CDKAL1: variants seen among roughly 807,000 people sequenced by gnomAD.
CDKAL1 encodes CDKAL1 threonylcarbamoyladenosine tRNA methylthiotransferase.
In CDKAL1, 32 loss-of-function variants were observed where a neutral mutation model predicts 68.2. That is an observed-to-expected ratio of 0.47 (90% confidence interval 0.35 to 0.63). The LOEUF is 0.63. CDKAL1 is among the 30% of genes least tolerant of loss of function. The pLI is 0.00. For missense variants in CDKAL1, 606 were observed against 696.7 expected (o/e 0.87, Z 1.47); for synonymous variants, 234 against 244.3 (o/e 0.96, Z 0.39).
chr6:20,546,529 C>G lies in CDKAL1; in HGVS notation c.173+6C>G, dbSNP rs772433353. The G allele has an allele frequency of 1.2e-6, 2 of 1,608,268 alleles. No homozygotes were observed. The highest frequency in any genetic ancestry group is 2.2e-5 in the South Asian group (2 of 90,572). On this transcript the variant is annotated splice_donor_region_variant and intron_variant, in intron 3 of 15. Transcript: ENST00000274695. The stretch of plus-strand genomic sequence containing the variant: ...AACAGTCCACCAAGTGACAGGTAAG[C>G]TTTTTTCCTTGAAATTATATTCATT...
At chr6:20,876,087 A>G (rs1382770696) in intron 9 of CDKAL1, among the ~76,000 whole-genome samples, 2 of 152,262 alleles carry the variant, frequency 1.3e-5, no homozygotes. Flanking sequence ...TAAATAAATT[A>G]AAATGTAGGC....
intron 8 of CDKAL1, among the ~76,000 whole-genome samples, chr6:20,832,487 A>C (rs983269206): frequency 1.3e-5 from 2 of 151,688 alleles, no homozygotes; most frequent in African/African-American, 4.8e-5. Context: ...AAAAAAAAAA[A>C]CAAAACACGT....
chr6:21,124,537 C>T (rs532557034), intron 13 of CDKAL1, among the ~76,000 whole-genome samples: 70 of 152,026 alleles, frequency 4.6e-4, no homozygotes, highest in Non-Finnish European at 2.9e-4. Context: ...GAACCAAAAC[C>T]AGAATGTCAT....
intron 11 of CDKAL1, among the ~76,000 whole-genome samples, chr6:21,051,611 T>G (rs1395815514): frequency 1.3e-5 from 2 of 152,190 alleles, no homozygotes; most frequent in African/African-American, 4.8e-5. Context: ...AAAACTGGAT[T>G]AGAATCTATC....
chr6:21,203,424 CAG>C (rs927794837), intron 15 of CDKAL1, among the ~76,000 whole-genome samples: 2 of 150,660 alleles, frequency 1.3e-5, no homozygotes, highest in African/African-American at 4.9e-5. Flanking sequence ...TTAGTAGAGA[CAG>C]GGTTTCACCA....
At chr6:20,632,058 G>C (rs1767697078) in intron 4 of CDKAL1, among the ~76,000 whole-genome samples, 1 of 152,212 alleles carries the variant, frequency 6.6e-6, no homozygotes. Context: ...AAATTGGTGT[G>C]TAACACGGAT....
At position 20,696,734 on chromosome 6, in the gene CDKAL1, G is replaced by A. The variant is rs149137120; in HGVS notation, c.372-42785G>A. On this transcript the variant is annotated intron_variant, in intron 5 of 15. Transcript: ENST00000274695. ...AAGAATCACAGCTTGTAATTATATAGAATTTGAAGTAAAGCTGAGTAAATC... is the reference window on the plus strand; with the variant it reads ...AAGAATCACAGCTTGTAATTATATAAAATTTGAAGTAAAGCTGAGTAAATC... Among the ~76,000 whole-genome samples, 384 of 152,288 alleles carry A rather than the reference G, an allele frequency of 2.5e-3. 2 individuals carry two copies. The highest frequency in any genetic ancestry group is 7.7e-3 in the African/African-American group (321 of 41,546).
intron 5 of CDKAL1, among the ~76,000 whole-genome samples, chr6:20,712,990 A>C (rs192891427): frequency 2.3e-4 from 34 of 150,010 alleles, no homozygotes; most frequent in Non-Finnish European, 3.9e-4. Flanking sequence ...CTCTCTTTTA[A>C]TCTTTGTAAG....
At chr6:21,135,601 T>C in intron 13 of CDKAL1, 1 of 718,908 alleles carries the variant, frequency 1.4e-6, no homozygotes, top group Non-Finnish European at 1.7e-6. Context: ...CATATGCTAG[T>C]TGACTACATA....
chr6:20,999,822 G>C lies in CDKAL1; in HGVS notation c.910-405G>C, dbSNP rs534783292. Among the ~76,000 whole-genome samples, 5 of 152,228 alleles carry C rather than the reference G, an allele frequency of 3.3e-5. No individual in the cohort carries two copies. In the South Asian group the frequency reaches 1.0e-3, roughly 32 times the overall value. On this transcript the variant is annotated intron_variant, in intron 10 of 15. Coordinates refer to ENST00000274695, the MANE Select transcript of CDKAL1 (RefSeq NM_017774.3). ...AAACTTTCTGTATTCCAGTATAGGG[G>C]ATTATGGGATCTCAAGTGTTTGCCT...
At chr6:20,628,945 T>A (rs186040208) in intron 4 of CDKAL1, among the ~76,000 whole-genome samples, 3 of 152,304 alleles carry the variant, frequency 2.0e-5, no homozygotes, top group African/African-American at 7.2e-5. Flanking sequence ...ATTGTGTGTT[T>A]CCTATAAAAT....
rs145104710 is a variant in CDKAL1 at position 20,855,910 on chromosome 6, CAT to C, written c.742+9734_742+9735del. ...TAGCCTGCCCATTTTCCACTATAAA[CAT>C]AATTCTTTCAGCGAGACGTTTGGTT... is the stretch of plus-strand genomic sequence containing the variant. On this transcript the variant is annotated intron_variant, in intron 9 of 15. Coordinates refer to ENST00000274695, the MANE Select transcript of CDKAL1 (RefSeq NM_017774.3). 5.6e-3 allele frequency among the ~76,000 whole-genome samples: 853 copies of C among 152,256 alleles called. 13 individuals are homozygous for C. The highest frequency in any genetic ancestry group is 0.019 in the African/African-American group (791 of 41,562).
At chr6:20,622,425 T>A (rs553330259) in intron 4 of CDKAL1, among the ~76,000 whole-genome samples, 27 of 152,300 alleles carry the variant, frequency 1.8e-4, no homozygotes, top group African/African-American at 6.0e-4. Context: ...GTTCACCTTT[T>A]AATTTTCACA....
Position 20,599,177 on chromosome 6 carries a change from T to C in CDKAL1, c.287-50116T>C, listed in dbSNP as rs1283010014. Among the ~76,000 whole-genome samples, 3 of 151,936 alleles carry C rather than the reference T, an allele frequency of 2.0e-5. No individual in the cohort carries two copies. In the East Asian group the frequency reaches 5.8e-4, roughly 29 times the overall value. The stretch of plus-strand genomic sequence containing the variant: ...TAGTTTCTTGCATATCCTTCCAGAG[T>C]TTATACAAATGCAAGTAGATATACG... On this transcript the variant is annotated intron_variant, in intron 4 of 15. Coordinates refer to ENST00000274695, the MANE Select transcript of CDKAL1 (RefSeq NM_017774.3).
intron 10 of CDKAL1, among the ~76,000 whole-genome samples, chr6:20,971,142 A>G (rs1765578836): frequency 1.3e-5 from 2 of 152,202 alleles, no homozygotes; most frequent in South Asian, 4.1e-4. Context: ...CCCACCATGC[A>G]CGGCCTCTCT....
intron 4 of CDKAL1, among the ~76,000 whole-genome samples, chr6:20,610,397 C>G (rs1159654290): frequency 6.6e-6 from 1 of 152,180 alleles, no homozygotes; most frequent in Non-Finnish European, 1.5e-5. Context: ...TTCCCACCAA[C>G]ATTGTATAAG....
chr6:20,935,663 C>A (rs1432815813), intron 9 of CDKAL1, among the ~76,000 whole-genome samples: 2 of 152,114 alleles, frequency 1.3e-5, no homozygotes, highest in African/African-American at 2.4e-5. Flanking sequence ...CTCCTGACCT[C>A]AAGTGATCCA....
At chr6:21,081,572 CTTTT>C (rs201718303) in intron 12 of CDKAL1, among the ~76,000 whole-genome samples, 1 of 137,450 alleles carries the variant, frequency 7.3e-6, no homozygotes, top group Non-Finnish European at 1.6e-5. Context: ...AATGATATAT[CTTTT>C]TTTTTTTTTT....
intron 10 of CDKAL1, among the ~76,000 whole-genome samples, chr6:20,967,710 T>C (rs771542463): frequency 6.6e-6 from 1 of 152,362 alleles, no homozygotes; most frequent in South Asian, 2.1e-4. Flanking sequence ...TTACTGCTGC[T>C]CTTTATTTCT....
Sources: gnomAD v4.1 joint callset for allele counts (sites outside exome capture counted in the v4.1 genomes callset) on GRCh38, gnomAD v4.1.1 for gene constraint, MANE v1.5 for transcripts, NCBI Gene and HGNC (gene_info 2026-07-23, HGNC 2026-07-21) for gene names.